Variants in AP3D1 observed in about 807,000 individuals in gnomAD.
AP3D1 encodes the protein AP-3 complex subunit delta-1.
AP3D1 carries 51 observed loss-of-function variants against 147.6 expected under a neutral mutation model. The observed-to-expected ratio is 0.35, with a 90% confidence interval of 0.28 to 0.44. AP3D1 has a LOEUF of 0.44. AP3D1 is among the 20% of genes least tolerant of loss of function. AP3D1 has a pLI of 1.00. For missense variants in AP3D1, 1,421 were observed against 1,624.2 expected, an observed-to-expected ratio of 0.87 and a Z score of 2.15; for synonymous variants, 760 against 663.0, an observed-to-expected ratio of 1.15 and a Z score of -2.25.
chr19:2,147,345 CAAAAAAAAAA>C (rs71176517), intron 1 of AP3D1, among the ~76,000 whole-genome samples: 7 of 80,274 alleles, frequency 8.7e-5, no homozygotes, highest in South Asian at 4.0e-4. Flanking sequence ...AACTCTGTCT[CAAAAAAAAAA>C]AAAAAAAAAG....
rs1316044750 is a variant in AP3D1, at chr19:2,132,560, G to T, written c.373C>A (p.Gln125Lys). The T allele has an allele frequency of 5.6e-6, 9 of 1,605,972 alleles. No homozygotes were observed. The highest frequency in any genetic ancestry group is 3.3e-4 in the Middle Eastern group (2 of 6,052). Residue 125 changes from glutamine to lysine, a missense_variant, in exon 5 of 32, where the codon CAG becomes AAG. By Grantham distance (53) the Gln-to-Lys change is moderately conservative. Coordinates refer to ENST00000643116, the MANE Select transcript of AP3D1 (RefSeq NM_001261826.3). ...QIRKDLSSPS[Q>K]YDTGVALTGL... The stretch of plus-strand genomic sequence containing the variant: ...GTCAGTGCAACACCTGTGTCGTACT[G>T]GCTGGGGCTGCTCAAGTCCTGGAAA...
At chr19:2,162,026 C>T (rs115566785) in intron 1 of AP3D1, among the ~76,000 whole-genome samples, 5,761 of 150,442 alleles carry the variant, frequency 0.038, 375 homozygotes, top group African/African-American at 0.13. Context: ...AAGAAAAAGC[C>T]CATTGAGTTT....
chr19:2,115,289 A>G lies in AP3D1; in HGVS notation c.2279T>C (p.Leu760Pro), dbSNP rs765796625. Residue 760 changes from leucine to proline, a missense_variant, in exon 20 of 32, where the codon CTG becomes CCG. Leu to Pro is a moderately conservative substitution (Grantham distance 98). Coordinates refer to ENST00000643116, the MANE Select transcript of AP3D1 (RefSeq NM_001261826.3). ...EKKGKRRHSS[L>P]PTESDEDIAP... ...GATGTCCTCGTCGCTCTCCGTGGGC[A>G]GCGAGCTGTGGCGGCGCTTGCCCTT... 8.7e-6 allele frequency: 14 copies of G among 1,613,294 alleles called. No individual in the cohort carries two copies. Among genetic ancestry groups the G allele is most frequent in the Middle Eastern group, 3.3e-4 (2 of 6,084 alleles).
chr19:2,123,650 T>C (rs1051226272), intron 10 of AP3D1, among the ~76,000 whole-genome samples, 180 bp downstream of exon 10: 8 of 152,116 alleles, frequency 5.3e-5, no homozygotes, highest in Admixed American at 4.6e-4. Context: ...AGACACATGA[T>C]GGGGATCCCA....
At chr19:2,163,984 G>T (rs922069215) in intron 1 of AP3D1, among the ~76,000 whole-genome samples, 1 of 149,644 alleles carries the variant, frequency 6.7e-6, no homozygotes, top group East Asian at 1.9e-4. Flanking sequence ...GGAGGCCCCG[G>T]GCCTGTGACT....
At chr19:2,110,389 G>A (rs940086662) in intron 27 of AP3D1, among the ~76,000 whole-genome samples, 165 bp from the exon 28 acceptor site, 1 of 152,136 alleles carries the variant, frequency 6.6e-6, no homozygotes, top group Non-Finnish European at 1.5e-5. Context: ...GAGGCTACTG[G>A]TGTCCCTAAT....
upstream of AP3D1, among the ~76,000 whole-genome samples, chr19:2,152,651 G>A (rs1200450536): frequency 6.6e-6 from 1 of 151,538 alleles, no homozygotes; most frequent in Non-Finnish European, 1.5e-5. Context: ...GCCGAGGCAG[G>A]TGGATCATGA....
At chr19:2,117,138 G>A in intron 16 of AP3D1, 84 bp downstream of exon 16, 1 of 1,482,166 alleles carries the variant, frequency 6.7e-7, no homozygotes, top group Non-Finnish European at 9.0e-7. Flanking sequence ...CTGTTCAGGG[G>A]TGCAGGAGCC....
intron 1 of AP3D1, among the ~76,000 whole-genome samples, chr19:2,144,178 T>C (rs1222359151): frequency 6.6e-6 from 1 of 151,756 alleles, no homozygotes; most frequent in African/African-American, 2.4e-5. Context: ...CCAGGATAAG[T>C]TACTATCCAC....
At chr19:2,164,445 C>T (rs2019830403) in exon 1 of AP3D1, 1 of 396,834 alleles carries the variant, frequency 2.5e-6, no homozygotes, top group East Asian at 4.1e-5. Flanking sequence ...GGCTGTTTCC[C>T]GCAGGGTGGG....
intron 8 of AP3D1, 36 bp from the exon 9 acceptor site, chr19:2,127,237 T>A: frequency 6.2e-7 from 1 of 1,608,706 alleles, no homozygotes; most frequent in Non-Finnish European, 8.5e-7. Context: ...GCATGAGGAC[T>A]GGGGGCCTCG....
chr19:2,114,878 G>A (rs1465913511), intron 20 of AP3D1, 57 bp from the exon 21 acceptor site: 12 of 1,578,484 alleles, frequency 7.6e-6, no homozygotes, highest in Non-Finnish European at 1.0e-5. Flanking sequence ...CTGGTGGAAC[G>A]CCATCTATCT....
rs1239325368 is a variant in AP3D1, at chr19:2,135,554, A to ACAAAC, written c.354+1452_354+1456dup. Among the ~76,000 whole-genome samples the ACAAAC allele has an allele frequency of 3.3e-5, 5 of 152,262 alleles. No homozygotes were observed. The East Asian group carries it at 9.7e-4, about 29-fold the overall frequency. ...CAGTCTCAAAACAAAACAAAACAAA[A>ACAAAC]CAAACAAATGACACACTGGACTGCA... On this transcript the variant is annotated intron_variant, in intron 4 of 31. Transcript: ENST00000643116.
chr19:2,109,380 G>A lies in AP3D1; in HGVS notation c.3351-173C>T, dbSNP rs187991540. 328 of 822,484 alleles carry A rather than the reference G, an allele frequency of 4.0e-4. 5 individuals carry two copies. The South Asian group carries it at 4.7e-3, about 12-fold the overall frequency. The allele number at this position is 822,484 out of a possible 1,614,324, so 50.9% of individuals were successfully genotyped here. On this transcript the variant is annotated intron_variant, in intron 29 of 31. Coordinates refer to ENST00000643116, the MANE Select transcript of AP3D1 (RefSeq NM_001261826.3). Reference sequence around the variant, plus strand: ...TGGCTCATTTTCATGTGCGGAAGCCGTCACACCCAGAAACTGACAATGACT... The same window carrying A: ...TGGCTCATTTTCATGTGCGGAAGCCATCACACCCAGAAACTGACAATGACT...
In AP3D1 at chr19:2,102,278, GA is replaced by G. The variant is rs1568269091; in HGVS notation, c.3553-11del. On this transcript the variant is annotated splice_polypyrimidine_tract_variant and intron_variant, in intron 31 of 31. Coordinates refer to ENST00000643116, the MANE Select transcript of AP3D1 (RefSeq NM_001261826.3). Reference sequence around the variant, plus strand: ...AGACAGAGTTCTCACCCTGTGTAAGGAAAAAAGATGGATATTTTAAAAGTGT... The same window carrying G: ...AGACAGAGTTCTCACCCTGTGTAAGGAAAAAGATGGATATTTTAAAAGTGT... The G allele has an allele frequency of 6.2e-7, 1 of 1,604,308 alleles. No homozygotes were observed. Among genetic ancestry groups the G allele is most frequent in the Non-Finnish European group, 8.5e-7 (1 of 1,171,748 alleles).
At chr19:2,117,186 G>A (rs1013029288) in intron 16 of AP3D1, 36 bp downstream of exon 16, 2 of 1,554,420 alleles carry the variant, frequency 1.3e-6, no homozygotes, top group Non-Finnish European at 1.7e-6. Flanking sequence ...CCATGTCAGG[G>A]CCATGGTTGC....
intron 1 of AP3D1, among the ~76,000 whole-genome samples, chr19:2,140,052 T>C (rs1282732325): frequency 6.6e-6 from 1 of 151,848 alleles, no homozygotes; most frequent in African/African-American, 2.4e-5. Flanking sequence ...TGCCACCCGA[T>C]CCTCCAGACG....
At position 2,120,852 on chromosome 19, in the gene AP3D1, G is replaced by T. The variant is rs568796046; in HGVS notation, c.1481+10C>A. The T allele has an allele frequency of 1.9e-6, 3 of 1,602,412 alleles. No homozygotes were observed. Among genetic ancestry groups the T allele is most frequent in the Non-Finnish European group, 2.5e-6 (3 of 1,176,618 alleles). The stretch of plus-strand genomic sequence containing the variant: ...GAAGCTGCCAGCCCAGAGGCCCAGC[G>T]CCCACTCACTCTGAGAACTCCCCGC... On this transcript the variant is annotated intron_variant, in intron 14 of 31. Transcript: ENST00000643116.
intron 1 of AP3D1, among the ~76,000 whole-genome samples, chr19:2,141,893 G>A (rs1370762353): frequency 2.0e-5 from 3 of 150,582 alleles, no homozygotes; most frequent in African/African-American, 7.3e-5. Flanking sequence ...GGGATTACAG[G>A]GCCATGCCAC....
Sources: allele counts gnomAD v4.1 joint callset (sites outside exome capture counted in the v4.1 genomes callset), GRCh38; gene constraint gnomAD v4.1.1; transcripts MANE v1.5; gene names NCBI Gene and HGNC (gene_info 2026-07-23, HGNC 2026-07-21).